Variants in CLVS2 observed in about 807,000 individuals in gnomAD.
CLVS2 encodes the protein clavesin-2.
CLVS2 carries 19 observed loss-of-function variants against 29.0 expected under a neutral mutation model. That is an observed-to-expected ratio of 0.66 (90% CI 0.46 to 0.96). The LOEUF is 0.96. Ranked by LOEUF, CLVS2 falls within the 40% of genes least tolerant of loss-of-function variation. The probability of loss-of-function intolerance (pLI) is 0.00; values close to 1 mark genes in which losing one functional copy is unlikely to be tolerated. For missense variants in CLVS2, 294 were observed against 404.1 expected (o/e 0.73, Z 2.34); for synonymous variants, 161 against 151.3 (o/e 1.06, Z -0.47).
Position 123,063,699 on chromosome 6 carries a change from G to C in CLVS2, c.922G>C (p.Val308Leu). 1 of 1,611,808 alleles carries C rather than the reference G, an allele frequency of 6.2e-7. No homozygotes were observed. The highest frequency in any genetic ancestry group is 8.5e-7 in the Non-Finnish European group (1 of 1,178,190). ...ATCTCAATCAGTAGTGGATCCTACA[G>C]TACTAAAACGCATGGATAAAAATGA... The part of the protein sequence containing the change: ...KRSQSVVDPT[V>L]LKRMDKNEEE... The change falls in exon 6 of 6, where the codon GTA becomes CTA. Residue 308 changes from valine (V) to leucine (L), a missense_variant. By Grantham distance (32) the Val-to-Leu change is conservative. This residue lies in a region of CLVS2 where 82 missense variants were observed against 67.8 expected (regional missense o/e 1.21). Transcript: ENST00000275162.
At position 123,060,674 on chromosome 6, in the gene CLVS2, A is replaced by C. The variant is rs73769356; in HGVS notation, c.897-3000A>C. Among the ~76,000 whole-genome samples, 1,469 of 152,356 alleles carry C rather than the reference A, an allele frequency of 9.6e-3. 16 individuals carry two copies. Among genetic ancestry groups the C allele is most frequent in the African/African-American group, 0.034 (1,396 of 41,588 alleles). On this transcript the variant is annotated intron_variant, in intron 5 of 5. Transcript: ENST00000275162. ...GCAATAGTATTCCATGAGCCATTTC[A>C]TTAACCATATGCCAGAATTTGTGCC...
intron 2 of CLVS2, among the ~76,000 whole-genome samples, chr6:122,999,458 A>G (rs1774558811): frequency 6.6e-6 from 1 of 152,198 alleles, no homozygotes; most frequent in African/African-American, 2.4e-5. Context: ...ACTCATACAG[A>G]GTTAGCCATT....
At chr6:123,046,391 A>G (rs1258023281) in intron 3 of CLVS2, among the ~76,000 whole-genome samples, 2 of 152,108 alleles carry the variant, frequency 1.3e-5, no homozygotes, top group Admixed American at 6.6e-5. Flanking sequence ...CAGGTGCAGT[A>G]GCTCACGCCT....
intron 2 of CLVS2, among the ~76,000 whole-genome samples, chr6:122,999,764 A>G (rs1774562826): frequency 6.6e-6 from 1 of 152,198 alleles, no homozygotes; most frequent in African/African-American, 2.4e-5. Context: ...TTATATTTAT[A>G]TAAATCTCGA....
chr6:123,057,986 G>A (rs1481446182), intron 5 of CLVS2, among the ~76,000 whole-genome samples: 2 of 151,968 alleles, frequency 1.3e-5, no homozygotes, highest in Admixed American at 1.3e-4. Context: ...TATTTTCTGG[G>A]GAGAAGTCAT....
intron 2 of CLVS2, among the ~76,000 whole-genome samples, chr6:122,999,478 T>C (rs1279206222): frequency 6.6e-6 from 1 of 152,212 alleles, no homozygotes; most frequent in Admixed American, 6.5e-5. Context: ...TCAGAGGGAA[T>C]GGAGTTTTGT....
At position 123,063,819 on chromosome 6, in the gene CLVS2, AG is replaced by A; in HGVS notation, c.*61del. On this transcript the variant is annotated 3_prime_UTR_variant, in exon 6 of 6. Coordinates refer to ENST00000275162, the MANE Select transcript of CLVS2 (RefSeq NM_001010852.4). ...ATGGAAAGTATTGGTTTTCAGCAAC[AG>A]GGACAACACTGTAGAGGAATTACCA... 1 of 1,152,440 alleles carries A rather than the reference AG, an allele frequency of 8.7e-7. No individual in the cohort carries two copies. Among genetic ancestry groups the A allele is most frequent in the Non-Finnish European group, 1.3e-6 (1 of 766,946 alleles). The allele number at this position is 1,152,440 out of a possible 1,614,324, so 71.4% of individuals were successfully genotyped here. A position where few individuals can be genotyped will look rare whatever the true frequency, so the allele number is the denominator to read the frequency against.
rs191238975 is a variant in CLVS2, at chr6:123,070,425, C to T, written c.*6664C>T. On this transcript the variant is annotated 3_prime_UTR_variant, in exon 6 of 6. Coordinates refer to ENST00000275162, the MANE Select transcript of CLVS2 (RefSeq NM_001010852.4). ...CTAACCACTTCTCCAATCTTCTTCA[C>T]TGTATTGGACCAAGTCTTCAACATT... 2.0e-5 allele frequency: 3 copies of T among 151,900 alleles called. No homozygotes were observed. The highest frequency in any genetic ancestry group is 4.4e-5 in the Non-Finnish European group (3 of 67,912). 9.4% of individuals were successfully genotyped at this position (151,900 alleles called of 1,614,324 possible).
At chr6:123,018,508 A>G (rs761587499) in intron 3 of CLVS2, among the ~76,000 whole-genome samples, 1 of 152,002 alleles carries the variant, frequency 6.6e-6, no homozygotes, top group Non-Finnish European at 1.5e-5. Context: ...ATCAATTTAA[A>G]GGGTTAGTTT....
chr6:123,030,195 A>T (rs192781627), intron 3 of CLVS2, among the ~76,000 whole-genome samples: 84 of 152,296 alleles, frequency 5.5e-4, no homozygotes, highest in Non-Finnish European at 1.1e-3. Context: ...GGCTGTTAAT[A>T]AAAGTGTGTA....
rs1774609432 is a variant in CLVS2, at chr6:123,002,787, T to C, written c.389+4621T>C. Reference sequence around the variant, plus strand: ...AACATATTAAATAATTCCCAGCTTTTTGCTTCACATTGTCATACCTACTGG... The same window carrying C: ...AACATATTAAATAATTCCCAGCTTTCTGCTTCACATTGTCATACCTACTGG... On this transcript the variant is annotated intron_variant, in intron 2 of 5. Transcript: ENST00000275162. Among the ~76,000 whole-genome samples, 5 of 152,198 alleles carry C rather than the reference T, an allele frequency of 3.3e-5. No individual in the cohort carries two copies. The South Asian group carries it at 1.0e-3, about 32-fold the overall frequency.
chr6:123,035,527 ACTAT>A (rs1775141864), intron 3 of CLVS2, among the ~76,000 whole-genome samples: 1 of 152,120 alleles, frequency 6.6e-6, no homozygotes, highest in African/African-American at 2.4e-5. Flanking sequence ...GTTGAGCTAC[ACTAT>A]CTATTCTAAA....
At chr6:122,999,714 C>T (rs533992859) in intron 2 of CLVS2, among the ~76,000 whole-genome samples, 1 of 152,184 alleles carries the variant, frequency 6.6e-6, no homozygotes, top group South Asian at 2.1e-4. Context: ...CAGATTGGAA[C>T]TTTGTTAATT....
chr6:123,045,772 T>C (rs1359154078), intron 3 of CLVS2, among the ~76,000 whole-genome samples: 3 of 152,118 alleles, frequency 2.0e-5, no homozygotes, highest in Non-Finnish European at 4.4e-5. Context: ...AAGAGACAGT[T>C]TCAGGGTCAT....
chr6:123,022,160 C>T (rs898205225), intron 3 of CLVS2, among the ~76,000 whole-genome samples: 16 of 152,012 alleles, frequency 1.1e-4, no homozygotes, highest in African/African-American at 3.9e-4. Context: ...TTTAGTTATA[C>T]TTAATGGGAG....
intron 2 of CLVS2, among the ~76,000 whole-genome samples, chr6:123,003,419 A>G (rs1774618599): frequency 6.6e-6 from 1 of 152,226 alleles, no homozygotes; most frequent in Non-Finnish European, 1.5e-5. Context: ...GGGAAATGTT[A>G]AATTCTCTTA....
At chr6:123,006,709 G>A (rs1774673795) in intron 2 of CLVS2, among the ~76,000 whole-genome samples, 1 of 152,170 alleles carries the variant, frequency 6.6e-6, no homozygotes, top group South Asian at 2.1e-4. Context: ...ACTAATATAT[G>A]TCAGGTAGCA....
intron 4 of CLVS2, among the ~76,000 whole-genome samples, chr6:123,051,125 T>C (rs1772603761): frequency 6.6e-6 from 1 of 151,860 alleles, no homozygotes; most frequent in East Asian, 1.9e-4. Context: ...TATCACAATA[T>C]TACTCACACA....
At chr6:123,059,723 T>C (rs539875554) in intron 5 of CLVS2, among the ~76,000 whole-genome samples, 19 of 152,286 alleles carry the variant, frequency 1.2e-4, no homozygotes, top group African/African-American at 4.6e-4. Context: ...CCAATCCATA[T>C]CCTCCTATTG....
Sources: gnomAD v4.1 joint callset for allele counts (sites outside exome capture counted in the v4.1 genomes callset) on GRCh38, gnomAD v4.1.1 for gene constraint, gnomAD v4.1.1 regional missense constraint, MANE v1.5 for transcripts, NCBI Gene and HGNC (gene_info 2026-07-23, HGNC 2026-07-21) for gene names.